Variants in LRP1B observed in about 807,000 individuals in gnomAD.
LRP1B encodes the protein low-density lipoprotein receptor-related protein 1B.
A neutral mutation model predicts 556.6 loss-of-function variants in LRP1B; 217 were observed. That is an observed-to-expected ratio of 0.39 (90% confidence interval 0.35 to 0.44). The LOEUF (loss-of-function observed/expected upper bound fraction) is 0.44, where lower values mean the gene tolerates loss of function less well. Among genes scored for constraint, LRP1B ranks in the 20% least tolerant of loss-of-function variants. LRP1B has a pLI of 1.00. For missense variants in LRP1B, 5,053 were observed against 5,620.8 expected, an observed-to-expected ratio of 0.90 and a Z score of 3.23; for synonymous variants, 2,047 against 1,865.8, an observed-to-expected ratio of 1.10 and a Z score of -2.50.
rs915696681 is a variant in LRP1B at position 141,253,794 on chromosome 2, G to A, written c.463+728C>T. On this transcript the variant is annotated intron_variant, in intron 4 of 90. Coordinates refer to ENST00000389484, the MANE Select transcript of LRP1B (RefSeq NM_018557.3). ...TACACACACACACACTCACACACGC[G>A]GAAGGAAAGAGAGAGGCAGAGAGAG... Among the ~76,000 whole-genome samples the A allele has an allele frequency of 5.9e-5, 9 of 151,476 alleles. 1 individual carries two copies. The highest frequency in any genetic ancestry group is 6.3e-3 in the Middle Eastern group (2 of 316).
chr2:141,284,991 A>C (rs1398858640), intron 3 of LRP1B, among the ~76,000 whole-genome samples: 1 of 152,218 alleles, frequency 6.6e-6, no homozygotes, highest in Non-Finnish European at 1.5e-5. Flanking sequence ...TCTACAAAAA[A>C]TTATACATTT....
At chr2:141,560,587 T>C (rs546421785) in intron 2 of LRP1B, among the ~76,000 whole-genome samples, 1 of 151,736 alleles carries the variant, frequency 6.6e-6, no homozygotes, top group East Asian at 1.9e-4. Context: ...GAAATTCTGT[T>C]TATGTTTTAG....
At chr2:141,187,118 C>G (rs897171933) in intron 7 of LRP1B, among the ~76,000 whole-genome samples, 3 of 152,052 alleles carry the variant, frequency 2.0e-5, no homozygotes, top group African/African-American at 4.8e-5. Flanking sequence ...TATCCAACAA[C>G]CCAAACAAAT....
At chr2:142,122,926 T>C in intron 1 of LRP1B, among the ~76,000 whole-genome samples, 1 of 152,042 alleles carries the variant, frequency 6.6e-6, no homozygotes, top group Admixed American at 6.6e-5. Context: ...ACTGAATCAT[T>C]TTTAAATCTC....
At chr2:141,594,234 A>C (rs1687437491) in intron 2 of LRP1B, among the ~76,000 whole-genome samples, 1 of 151,776 alleles carries the variant, frequency 6.6e-6, no homozygotes, top group South Asian at 2.1e-4. Context: ...TAAATTCTCA[A>C]CTCACTCTCT....
intron 77 of LRP1B, among the ~76,000 whole-genome samples, chr2:140,347,844 T>C (rs1424271316): frequency 6.6e-6 from 1 of 152,032 alleles, no homozygotes; most frequent in African/African-American, 2.4e-5. Context: ...GTCAGTATTA[T>C]TTAATATTTG....
chr2:141,812,405 C>G (rs892407653), intron 1 of LRP1B, among the ~76,000 whole-genome samples: 1 of 152,072 alleles, frequency 6.6e-6, no homozygotes, highest in East Asian at 1.9e-4. Context: ...TTCATTTTAT[C>G]TATAGCTACT....
At chr2:141,282,575 TC>T (rs1360872889) in intron 3 of LRP1B, among the ~76,000 whole-genome samples, 10 of 151,570 alleles carry the variant, frequency 6.6e-5, no homozygotes, top group Non-Finnish European at 1.2e-4. Flanking sequence ...AATAGGTTAG[TC>T]TTCCAGGAGA....
chr2:141,239,657 G>A (rs1683788895), intron 5 of LRP1B, among the ~76,000 whole-genome samples: 1 of 151,998 alleles, frequency 6.6e-6, no homozygotes, highest in Non-Finnish European at 1.5e-5. Flanking sequence ...AGAGGAAGAT[G>A]GAGCGATTAG....
intron 7 of LRP1B, among the ~76,000 whole-genome samples, chr2:141,158,716 G>A (rs771293054): frequency 2.2e-4 from 33 of 151,974 alleles, no homozygotes; most frequent in Admixed American, 1.1e-3. Flanking sequence ...TTGCACAGTC[G>A]GAATCCTTCT....
rs1228417114 is a variant in LRP1B at position 140,344,101 on chromosome 2, T to A, written c.11892+6696A>T. 2.0e-5 allele frequency among the ~76,000 whole-genome samples: 3 copies of A among 151,808 alleles called. No individual in the cohort carries two copies. The Admixed American group carries it at 2.0e-4, about 10-fold the overall frequency. On this transcript the variant is annotated intron_variant, in intron 77 of 90. Transcript: ENST00000389484. ...ATTTTATGACAATTATAGCTTAAGC[T>A]TCTAAAAATGCTCTAGATGTACCAG...
At chr2:141,587,981 C>T (rs535893938) in intron 2 of LRP1B, among the ~76,000 whole-genome samples, 3 of 152,090 alleles carry the variant, frequency 2.0e-5, no homozygotes, top group Admixed American at 1.3e-4. Context: ...AAATCCAGAT[C>T]GGTCTTCTAA....
At chr2:140,701,868 T>C (rs1686656023) in intron 39 of LRP1B, 23 bp from the exon 40 acceptor site, 3 of 1,612,064 alleles carry the variant, frequency 1.9e-6, no homozygotes, top group Non-Finnish European at 2.5e-6. Context: ...TGAACATACA[T>C]GATCAACAAT....
At chr2:140,535,950 A>G (rs983142868) in intron 46 of LRP1B, among the ~76,000 whole-genome samples, 2 of 152,066 alleles carry the variant, frequency 1.3e-5, no homozygotes, top group Admixed American at 1.3e-4. Context: ...AATCCTGGAG[A>G]CAGAAATAGA....
chr2:142,105,470 A>G (rs1289470304), intron 1 of LRP1B, among the ~76,000 whole-genome samples: 2 of 152,180 alleles, frequency 1.3e-5, no homozygotes, highest in East Asian at 1.9e-4. Flanking sequence ...ACATGGCTGT[A>G]TAGTTCACAA....
intron 22 of LRP1B, among the ~76,000 whole-genome samples, chr2:140,907,051 C>T (rs1415445578): frequency 6.6e-6 from 1 of 151,096 alleles, no homozygotes; most frequent in East Asian, 2.0e-4. Flanking sequence ...TAACTTTGGG[C>T]TTCAATGTAG....
chr2:142,117,991 C>T (rs1707332304), intron 1 of LRP1B, among the ~76,000 whole-genome samples: 1 of 152,104 alleles, frequency 6.6e-6, no homozygotes. Flanking sequence ...TTTAAGCAGC[C>T]TTTTCCTCTG....
At chr2:141,355,826 A>G (rs1458638936) in intron 3 of LRP1B, among the ~76,000 whole-genome samples, 4 of 152,180 alleles carry the variant, frequency 2.6e-5, no homozygotes, top group Non-Finnish European at 5.9e-5. Context: ...TTGATCTTGC[A>G]TACTGCTACC....
At chr2:141,580,917 C>G (rs1277051516) in intron 2 of LRP1B, among the ~76,000 whole-genome samples, 1 of 152,166 alleles carries the variant, frequency 6.6e-6, no homozygotes, top group Non-Finnish European at 1.5e-5. Context: ...CTTTGGGCTT[C>G]CAGAGCACAG....
Sources: gnomAD v4.1 joint callset for allele counts (sites outside exome capture counted in the v4.1 genomes callset) on GRCh38, gnomAD v4.1.1 for gene constraint, MANE v1.5 for transcripts, NCBI Gene and HGNC (gene_info 2026-07-23, HGNC 2026-07-21) for gene names.